DTL: variants seen among roughly 807,000 people sequenced by gnomAD.
DTL encodes denticleless E3 ubiquitin protein ligase adapter.
In DTL, 46 loss-of-function variants were observed where a neutral mutation model predicts 87.0. The ratio of observed to expected loss-of-function variants is 0.53; its 90% confidence interval spans 0.42 to 0.68. The LOEUF (loss-of-function observed/expected upper bound fraction) is 0.68, where lower values mean the gene tolerates loss of function less well. Among genes scored for constraint, DTL ranks in the 30% least tolerant of loss-of-function variants. The pLI is 0.00. For missense variants in DTL, 737 were observed against 869.4 expected (o/e 0.85, Z 1.91); for synonymous variants, 308 against 311.2 (o/e 0.99, Z 0.11).
At chr1:212,074,377 C>T (rs967590868) in intron 11 of DTL, among the ~76,000 whole-genome samples, 2 of 152,076 alleles carry the variant, frequency 1.3e-5, no homozygotes, top group Non-Finnish European at 2.9e-5. Context: ...TGTGGGAATA[C>T]TTGCCTTTAA....
chr1:212,070,406 C>G (rs1218773887), intron 10 of DTL, among the ~76,000 whole-genome samples: 1 of 152,026 alleles, frequency 6.6e-6, no homozygotes, highest in Non-Finnish European at 1.5e-5. Context: ...CCCAGGAGTT[C>G]GAGACCAGCC....
intron 1 of DTL, among the ~76,000 whole-genome samples, chr1:212,042,462 A>G (rs773382328): frequency 6.6e-6 from 1 of 152,250 alleles, no homozygotes; most frequent in Non-Finnish European, 1.5e-5. Flanking sequence ...TTAAGGTACT[A>G]TAATTGCTGC....
intron 7 of DTL, among the ~76,000 whole-genome samples, chr1:212,065,331 C>T (rs2102550988): frequency 6.6e-6 from 1 of 151,986 alleles, no homozygotes; most frequent in Admixed American, 6.5e-5. Context: ...TTGTCTCATG[C>T]CATTAAGCAG....
Position 212,052,037 on chromosome 1 carries a change from G to A in DTL, c.460+4620G>A, listed in dbSNP as rs9988526. Reference sequence around the variant, plus strand: ...CGAATTACTGGAAGATGGCGGTTCCGGCCGAAAAGAAGCTGGATATGAAAT... The same window carrying A: ...CGAATTACTGGAAGATGGCGGTTCCAGCCGAAAAGAAGCTGGATATGAAAT... On this transcript the variant is annotated intron_variant, in intron 5 of 14. Transcript: ENST00000366991. 1,369 of 958,330 alleles carry A rather than the reference G, an allele frequency of 1.4e-3. 5 individuals are homozygous for A. The highest frequency in any genetic ancestry group is 1.4e-3 in the Non-Finnish European group (808 of 598,482). 59.4% of individuals were successfully genotyped at this position (958,330 alleles called of 1,614,324 possible).
rs1654620007 is a variant in DTL at position 212,069,860 on chromosome 1, A to G, written c.922+1157A>G. 2.0e-5 allele frequency among the ~76,000 whole-genome samples: 3 copies of G among 152,110 alleles called. No individual in the cohort carries two copies. In the South Asian group the frequency reaches 6.2e-4, roughly 32 times the overall value. Reference sequence around the variant, plus strand: ...TGCCCGGCCCAGAACTTGTCATTTTAGCTGAGATCTTACAGAATTTTCCAA... The same window carrying G: ...TGCCCGGCCCAGAACTTGTCATTTTGGCTGAGATCTTACAGAATTTTCCAA... On this transcript the variant is annotated intron_variant, in intron 10 of 14. Coordinates refer to ENST00000366991, the MANE Select transcript of DTL (RefSeq NM_016448.4).
At chr1:212,071,378 C>G (rs1200293132) in intron 10 of DTL, among the ~76,000 whole-genome samples, 1 of 152,150 alleles carries the variant, frequency 6.6e-6, no homozygotes, top group Non-Finnish European at 1.5e-5. Context: ...GATAGAAGAA[C>G]CTGTTAAGAA....
At chr1:212,074,659 A>G (rs1448560781) in intron 11 of DTL, among the ~76,000 whole-genome samples, 2 of 152,160 alleles carry the variant, frequency 1.3e-5, no homozygotes, top group African/African-American at 2.4e-5. Context: ...TGATTAAAAA[A>G]AGGAGGAGTG....
intron 13 of DTL, among the ~76,000 whole-genome samples, chr1:212,088,092 G>T (rs533841223): frequency 6.6e-6 from 1 of 152,306 alleles, no homozygotes; most frequent in South Asian, 2.1e-4. Flanking sequence ...TGTATCCCCA[G>T]TGATTGATTC....
chr1:212,075,686 C>T (rs1047938897), intron 11 of DTL, among the ~76,000 whole-genome samples: 1 of 152,162 alleles, frequency 6.6e-6, no homozygotes, highest in African/African-American at 2.4e-5. Flanking sequence ...ACCCATAACA[C>T]GCCCTTCCTC....
chr1:212,049,030 C>T (rs1326227885), intron 5 of DTL, among the ~76,000 whole-genome samples: 1 of 152,172 alleles, frequency 6.6e-6, no homozygotes, highest in African/African-American at 2.4e-5. Context: ...TCAAGCAATT[C>T]TCATGCCTCA....
intron 12 of DTL, among the ~76,000 whole-genome samples, chr1:212,079,329 A>T (rs970218785): frequency 6.6e-6 from 1 of 151,842 alleles, no homozygotes; most frequent in Non-Finnish European, 1.5e-5. Flanking sequence ...TTCAATTGTC[A>T]TATATTATCC....
intron 11 of DTL, among the ~76,000 whole-genome samples, chr1:212,076,883 T>C (rs1654847233): frequency 6.6e-6 from 1 of 152,226 alleles, no homozygotes; most frequent in Non-Finnish European, 1.5e-5. Flanking sequence ...AAAAGCTTCC[T>C]TTCTGATAAA....
At chr1:212,052,558 A>G (rs1466644782) in intron 5 of DTL, among the ~76,000 whole-genome samples, 4 of 149,400 alleles carry the variant, frequency 2.7e-5, no homozygotes, top group African/African-American at 7.4e-5. Flanking sequence ...AATCGCTTGA[A>G]CCTGGGAGGC....
chr1:212,058,409 A>G (rs908334776), intron 5 of DTL, among the ~76,000 whole-genome samples: 2 of 152,214 alleles, frequency 1.3e-5, no homozygotes, highest in African/African-American at 4.8e-5. Flanking sequence ...GGAAGTTTGG[A>G]AACTACAAAT....
At chr1:212,088,518 T>A (rs940105932) in intron 13 of DTL, among the ~76,000 whole-genome samples, 2 of 152,152 alleles carry the variant, frequency 1.3e-5, no homozygotes, top group Non-Finnish European at 2.9e-5. Flanking sequence ...AGAACCTACT[T>A]CCCCTGTGAG....
At chr1:212,091,302 A>G (rs1179500754) in intron 13 of DTL, among the ~76,000 whole-genome samples, 1 of 152,198 alleles carries the variant, frequency 6.6e-6, no homozygotes. Context: ...ACAAAATGTA[A>G]CAAGTATTGG....
At chr1:212,083,182 GC>G (rs1655035884) in intron 13 of DTL, among the ~76,000 whole-genome samples, 1 of 152,188 alleles carries the variant, frequency 6.6e-6, no homozygotes, top group South Asian at 2.1e-4. Flanking sequence ...GCAAGGAGGA[GC>G]AAGTCACATT....
At chr1:212,036,678 T>G (rs1300441238) in intron 1 of DTL, among the ~76,000 whole-genome samples, 1 of 152,254 alleles carries the variant, frequency 6.6e-6, no homozygotes, top group East Asian at 1.9e-4. Context: ...CTAACTTATT[T>G]TCTTACGCTA....
At chr1:212,049,543 T>C (rs982483841) in intron 5 of DTL, among the ~76,000 whole-genome samples, 3 of 152,214 alleles carry the variant, frequency 2.0e-5, no homozygotes, top group Non-Finnish European at 4.4e-5. Context: ...GAAAAGGCAC[T>C]GAGTTAGAGA....
Sources: allele counts gnomAD v4.1 joint callset (sites outside exome capture counted in the v4.1 genomes callset), GRCh38; gene constraint gnomAD v4.1.1; transcripts MANE v1.5; gene names NCBI Gene and HGNC (gene_info 2026-07-23, HGNC 2026-07-21).